The following RGS6 variants were observed in gnomAD, a reference collection of about 807,000 sequenced individuals.
RGS6 encodes regulator of G protein signaling 6, also known as regulator of G-protein signaling 6.
In RGS6, 30 loss-of-function variants were observed where a neutral mutation model predicts 78.5. The ratio of observed to expected loss-of-function variants is 0.38; its 90% confidence interval spans 0.29 to 0.52. RGS6 has a LOEUF of 0.52. Among genes scored for constraint, RGS6 ranks in the 20% least tolerant of loss-of-function variants. The pLI is 0.85. For missense variants in RGS6, 495 were observed against 609.7 expected (o/e 0.81, Z 1.98); for synonymous variants, 206 against 206.0 (o/e 1.00, Z 0.00).
chr14:72,111,633 G>A (rs1340589063), intron 2 of RGS6, among the ~76,000 whole-genome samples: 1 of 152,168 alleles, frequency 6.6e-6, no homozygotes, highest in Non-Finnish European at 1.5e-5. Context: ...GCCAGGATCT[G>A]TTAGTCACTC....
the RGS6 span, among the ~76,000 whole-genome samples, chr14:72,605,874 C>A: frequency 1.3e-5 from 2 of 152,314 alleles, no homozygotes; most frequent in Admixed American, 1.3e-4. Context: ...TGTGCCCTTC[C>A]CACCATCTAG....
At chr14:72,273,833 TAAAG>T (rs1444967496) in intron 2 of RGS6, among the ~76,000 whole-genome samples, 3 of 152,066 alleles carry the variant, frequency 2.0e-5, no homozygotes, top group Non-Finnish European at 4.4e-5. Context: ...AAGCTATCAA[TAAAG>T]AAAGGTATAG....
At chr14:72,236,675 GGAGGGGC>G in intron 2 of RGS6, among the ~76,000 whole-genome samples, 6 of 151,338 alleles carry the variant, frequency 4.0e-5, no homozygotes, top group African/African-American at 1.5e-4. Flanking sequence ...CCCAGACGGT[GGAGGGGC>G]CGGGCAGAGG....
intron 3 of RGS6, among the ~76,000 whole-genome samples, chr14:72,417,342 A>C (rs1236665102): frequency 1.3e-5 from 2 of 152,174 alleles, no homozygotes; most frequent in Non-Finnish European, 2.9e-5. Flanking sequence ...TCATTTATTC[A>C]TTCACACATC....
At chr14:71,980,419 T>C (rs2153115652) in intron 2 of RGS6, among the ~76,000 whole-genome samples, 1 of 151,608 alleles carries the variant, frequency 6.6e-6, no homozygotes, top group East Asian at 1.9e-4. Flanking sequence ...TTTTCCATGT[T>C]TAGCACTTCC....
intron 2 of RGS6, among the ~76,000 whole-genome samples, chr14:72,206,253 C>T (rs776411260): frequency 6.6e-6 from 1 of 152,108 alleles, no homozygotes; most frequent in Non-Finnish European, 1.5e-5. Context: ...TCTTTTGAGG[C>T]CAGGAGTTCA....
At chr14:72,144,745 C>A (rs1252107038) in intron 2 of RGS6, among the ~76,000 whole-genome samples, 2 of 147,528 alleles carry the variant, frequency 1.4e-5, no homozygotes, top group African/African-American at 5.0e-5. Flanking sequence ...ATTCATGATT[C>A]ATTTTTTTTT....
At chr14:72,437,887 G>T (rs1007277388) in intron 3 of RGS6, among the ~76,000 whole-genome samples, 1 of 152,208 alleles carries the variant, frequency 6.6e-6, no homozygotes, top group Non-Finnish European at 1.5e-5. Flanking sequence ...CAGGGAGTCT[G>T]CTGTGATTTA....
chr14:72,051,245 G>A (rs919414345), intron 2 of RGS6, among the ~76,000 whole-genome samples: 2 of 152,072 alleles, frequency 1.3e-5, no homozygotes, highest in African/African-American at 4.8e-5. Flanking sequence ...AAATAGATGG[G>A]TACCAATTCT....
chr14:72,468,545 G>T (rs967109332), intron 7 of RGS6, among the ~76,000 whole-genome samples: 2 of 152,072 alleles, frequency 1.3e-5, no homozygotes, highest in Non-Finnish European at 2.9e-5. Flanking sequence ...AGCAAAGAAA[G>T]GAGAGAATAT....
At position 71,984,572 on chromosome 14, in the gene RGS6, G is replaced by A. The variant is rs1311749953; in HGVS notation, c.84+19697G>A. 3.3e-5 allele frequency among the ~76,000 whole-genome samples: 5 copies of A among 151,836 alleles called. No homozygotes were observed. In the South Asian group the frequency reaches 8.3e-4, roughly 25 times the overall value. On this transcript the variant is annotated intron_variant, in intron 2 of 17. Transcript: ENST00000553525. The stretch of plus-strand genomic sequence containing the variant: ...TCATCTGAACTGTGTTTTTAAGAAA[G>A]GGTAGGAGTTGGCTGGTGGAAAAGA...
In RGS6 at chr14:72,138,399, G is replaced by A. The variant is rs1281856580; in HGVS notation, c.84+173524G>A. 6.1e-5 allele frequency among the ~76,000 whole-genome samples: 9 copies of A among 146,928 alleles called. No homozygotes were observed. In the South Asian group the frequency reaches 6.5e-4, roughly 11 times the overall value. ...TTCTTCCTCTGGTAGAATTATATTT[G>A]CATCCTTCCTGGTGGAAACTTGATA... On this transcript the variant is annotated intron_variant, in intron 2 of 17. Coordinates refer to ENST00000553525, the MANE Select transcript of RGS6 (RefSeq NM_001204424.2).
intron 2 of RGS6, among the ~76,000 whole-genome samples, chr14:71,986,813 T>C (rs10136808): frequency 0.45 from 68,275 of 152,090 alleles, 15,715 homozygotes; most frequent in East Asian, 0.54. Context: ...CAGGGGGCTC[T>C]AGGAGAATTC....
intron 2 of RGS6, among the ~76,000 whole-genome samples, chr14:72,302,594 A>C (rs2066322463): frequency 6.6e-6 from 1 of 152,188 alleles, no homozygotes. Flanking sequence ...CAGAACCTGC[A>C]TCATTATTGA....
At chr14:72,424,111 G>A (rs552491244) in intron 3 of RGS6, among the ~76,000 whole-genome samples, 2 of 152,322 alleles carry the variant, frequency 1.3e-5, no homozygotes, top group East Asian at 3.9e-4. Context: ...TCCTTGGGCT[G>A]CCACCCTGCT....
At chr14:72,104,251 G>C (rs955551862) in intron 2 of RGS6, among the ~76,000 whole-genome samples, 1 of 152,000 alleles carries the variant, frequency 6.6e-6, no homozygotes, top group Admixed American at 6.5e-5. Context: ...ACGTTGTCTT[G>C]CTTTTCCTTT....
chr14:72,366,765 C>T (rs1014884646), intron 3 of RGS6, among the ~76,000 whole-genome samples: 5 of 152,148 alleles, frequency 3.3e-5, no homozygotes, highest in African/African-American at 9.7e-5. Flanking sequence ...CCAACCTCAG[C>T]GTGCCAGCTC....
chr14:72,580,431 C>T, the RGS6 span, among the ~76,000 whole-genome samples: 3 of 151,916 alleles, frequency 2.0e-5, no homozygotes, highest in Non-Finnish European at 4.4e-5. Flanking sequence ...TGAGTGGGAA[C>T]TGAGGCTGAT....
At chr14:72,154,076 C>T (rs554423305) in intron 2 of RGS6, among the ~76,000 whole-genome samples, 11 of 152,146 alleles carry the variant, frequency 7.2e-5, no homozygotes, top group South Asian at 4.2e-4. Flanking sequence ...CGTTTCCTAG[C>T]GTATTAATAT....
Sources: gnomAD v4.1 joint callset for allele counts (sites outside exome capture counted in the v4.1 genomes callset) on GRCh38, gnomAD v4.1.1 for gene constraint, MANE v1.5 for transcripts, NCBI Gene and HGNC (gene_info 2026-07-23, HGNC 2026-07-21) for gene names.